PNLIP: variants seen among roughly 807,000 people sequenced by gnomAD.
PNLIP encodes the protein pancreatic triacylglycerol lipase.
Under a neutral mutation model 57.1 loss-of-function variants are expected in PNLIP, and 49 were observed. The ratio of observed to expected loss-of-function variants is 0.86; its 90% confidence interval spans 0.68 to 1.09. The LOEUF is 1.09. Among genes scored for constraint, PNLIP ranks in the 50% least tolerant of loss-of-function variants. PNLIP has a pLI of 0.00. For missense variants in PNLIP, 503 were observed against 570.2 expected, an observed-to-expected ratio of 0.88 and a Z score of 1.20; for synonymous variants, 209 against 200.4, an observed-to-expected ratio of 1.04 and a Z score of -0.36.
chr10:116,553,590 G>C (rs1847217836), intron 5 of PNLIP, 137 bp from the exon 6 acceptor site: 2 of 678,868 alleles, frequency 2.9e-6, no homozygotes, highest in African/African-American at 1.8e-5. Flanking sequence ...ATGCCATCTA[G>C]GTTTATGTAA....
chr10:116,554,921 C>T (rs955772882), intron 6 of PNLIP, among the ~76,000 whole-genome samples: 1 of 152,106 alleles, frequency 6.6e-6, no homozygotes, highest in African/African-American at 2.4e-5. Flanking sequence ...CCAGTGTGTC[C>T]CAGAGTCTAC....
rs536733176 is a variant in PNLIP at position 116,551,955 on chromosome 10, C to T, written c.459+723C>T. Reference sequence around the variant, plus strand: ...ATGCACCACACAAGGACGTGTAGGTCAATGATGGACTTCAGATATGATGGA... The same window carrying T: ...ATGCACCACACAAGGACGTGTAGGTTAATGATGGACTTCAGATATGATGGA... On this transcript the variant is annotated intron_variant, in intron 5 of 12. Coordinates refer to ENST00000369221, the MANE Select transcript of PNLIP (RefSeq NM_000936.4). 2.6e-5 allele frequency among the ~76,000 whole-genome samples: 4 copies of T among 152,244 alleles called. No individual in the cohort carries two copies. The East Asian group carries it at 7.7e-4, about 29-fold the overall frequency.
At chr10:116,556,236 C>G in intron 9 of PNLIP, 118 bp downstream of exon 9, 2 of 654,520 alleles carry the variant, frequency 3.1e-6, no homozygotes, top group Non-Finnish European at 5.5e-6. Flanking sequence ...CTTATACATG[C>G]CTTTAATTAT....
At chr10:116,565,182 G>A (rs1393701273) in intron 12 of PNLIP, among the ~76,000 whole-genome samples, 7 of 144,120 alleles carry the variant, frequency 4.9e-5, no homozygotes, top group Non-Finnish European at 7.5e-5. Flanking sequence ...CCCGGGAGGC[G>A]GAGCTTGCAG....
chr10:116,556,013 T>C lies in PNLIP; in HGVS notation c.825T>C (p.Phe275=), dbSNP rs780187128. 3.7e-6 allele frequency: 6 copies of C among 1,610,492 alleles called. No individual in the cohort carries two copies. In the East Asian group the frequency reaches 8.9e-5, roughly 24 times the overall value. Residue 275 remains phenylalanine (F), a synonymous_variant, in exon 9 of 13, where the codon TTT becomes TTC. Transcript: ENST00000369221. ...TCTGATTCAAAGGGACTCGAGACTTTGCGGCCTGTAATCACTTAAGAAGCT... is the reference window on the plus strand; with the variant it reads ...TCTGATTCAAAGGGACTCGAGACTTCGCGGCCTGTAATCACTTAAGAAGCT... ...IDGIWEGTRD[F]AACNHLRSYK...
intron 9 of PNLIP, among the ~76,000 whole-genome samples, chr10:116,557,585 A>G (rs951970067): frequency 2.0e-5 from 3 of 152,168 alleles, no homozygotes; most frequent in South Asian, 2.1e-4. Context: ...CAATGCCCTC[A>G]GAGAGCTTTG....
At chr10:116,565,249 CAAAAAAAA>C (rs71010093) in intron 12 of PNLIP, among the ~76,000 whole-genome samples, 7 of 33,400 alleles carry the variant, frequency 2.1e-4, no homozygotes, top group Non-Finnish European at 2.9e-4. Context: ...GACAATGTCT[CAAAAAAAA>C]AAAAAAAAAA....
Position 116,553,578 on chromosome 10 carries a change from C to T in PNLIP, c.460-149C>T. 4.6e-6 allele frequency: 3 copies of T among 656,256 alleles called. No individual in the cohort carries two copies. The Admixed American group carries it at 7.1e-5, about 16-fold the overall frequency. The allele number at this position is 656,256 out of a possible 1,614,324, so 40.7% of individuals were successfully genotyped here. On this transcript the variant is annotated intron_variant, in intron 5 of 12. Coordinates refer to ENST00000369221, the MANE Select transcript of PNLIP (RefSeq NM_000936.4). ...CCACACAGCCCAGGTAGGTAGTAGG[C>T]TATGCCATCTAGGTTTATGTAAATA...
chr10:116,556,953 T>G (rs1847260210), intron 9 of PNLIP, among the ~76,000 whole-genome samples: 1 of 152,212 alleles, frequency 6.6e-6, no homozygotes, highest in Admixed American at 6.5e-5. Flanking sequence ...AAGAAGTTTC[T>G]TCATGTATAA....
intron 4 of PNLIP, among the ~76,000 whole-genome samples, chr10:116,550,360 T>C (rs1847178126): frequency 6.6e-6 from 1 of 151,518 alleles, no homozygotes; most frequent in African/African-American, 2.4e-5. Flanking sequence ...CCTGGCCTAT[T>C]CTCAAATTCT....
chr10:116,548,210 G>T, intron 3 of PNLIP, 150 bp from the exon 4 acceptor site: 1 of 664,972 alleles, frequency 1.5e-6, no homozygotes, highest in Non-Finnish European at 2.5e-6. Context: ...ACATGATGAT[G>T]ATAGTGAATA....
intron 12 of PNLIP, among the ~76,000 whole-genome samples, chr10:116,562,298 G>A (rs1171305534): frequency 6.6e-6 from 1 of 152,182 alleles, no homozygotes; most frequent in Non-Finnish European, 1.5e-5. Flanking sequence ...CAAAGATGGA[G>A]TAACAGAGCC....
rs757895059 is a variant in PNLIP, at chr10:116,548,310, CT to C, written c.202-49del. Reference sequence around the variant, plus strand: ...TGCCCCTCTCCATGTACAAATGGTTCTATTGGCTACTATAGGAAACTGACAT... The same window carrying C: ...TGCCCCTCTCCATGTACAAATGGTTCATTGGCTACTATAGGAAACTGACAT... On this transcript the variant is annotated intron_variant, in intron 3 of 12. Transcript: ENST00000369221. 19 of 1,597,564 alleles carry C rather than the reference CT, an allele frequency of 1.2e-5. No individual in the cohort carries two copies. The Admixed American group carries it at 2.9e-4, about 24-fold the overall frequency.
chr10:116,567,121 CTCTTTCTT>C (rs10563857), intron 12 of PNLIP, among the ~76,000 whole-genome samples: 26 of 146,484 alleles, frequency 1.8e-4, no homozygotes, highest in East Asian at 1.4e-3. Context: ...TCCTTTCTTT[CTCTTTCTT>C]TCTTTCTTTC....
chr10:116,552,985 T>A (rs1311169680), intron 5 of PNLIP, among the ~76,000 whole-genome samples: 1 of 152,236 alleles, frequency 6.6e-6, no homozygotes, highest in African/African-American at 2.4e-5. Context: ...TCTTCAGCGG[T>A]GTGCAGTAAT....
At chr10:116,551,414 C>T (rs1589555264) in intron 5 of PNLIP, 182 bp downstream of exon 5, 1 of 406,822 alleles carries the variant, frequency 2.5e-6, no homozygotes, top group Non-Finnish European at 4.2e-6. Flanking sequence ...TCATCAATAA[C>T]CCATTATGTT....
chr10:116,553,484 C>T (rs1012237223), intron 5 of PNLIP, among the ~76,000 whole-genome samples: 3 of 152,178 alleles, frequency 2.0e-5, no homozygotes, highest in African/African-American at 4.8e-5. Context: ...ACGTTGTGTT[C>T]CAGTTGCCTA....
Position 116,555,215 on chromosome 10 carries a change from T to A in PNLIP, c.609T>A (p.Pro203=). Residue 203 remains proline (P), a synonymous_variant, in exon 7 of 13, where the codon CCT becomes CCA. Transcript: ENST00000369221. ...DPAEPCFQGT[P]ELVRLDPSDA... ...CAGAACCTTGCTTTCAGGGCACACC[T>A]GAATTAGTCCGATTGGACCCCAGCG... 1 of 1,614,204 alleles carries A rather than the reference T, an allele frequency of 6.2e-7. No homozygotes were observed. The highest frequency in any genetic ancestry group is 1.7e-5 in the Admixed American group (1 of 60,022).
chr10:116,560,517 AT>A lies in PNLIP; in HGVS notation c.1166del (p.Phe389SerfsTer35). Reference sequence around the variant, plus strand: ...TAAAGGAAACTCTAAGCAGTATGAAATTTTCAAGTGAGTAAAATAATATTGC... The same window carrying A: ...TAAAGGAAACTCTAAGCAGTATGAAATTTCAAGTGAGTAAAATAATATTGC... ...GNKGNSKQYE[I>X]FKGTLKPDST... On this transcript the variant is annotated frameshift_variant, in exon 11 of 13. Transcript: ENST00000369221. LOFTEE classifies it high-confidence loss of function. 1 of 1,427,118 alleles carries A rather than the reference AT, an allele frequency of 7.0e-7. No homozygotes were observed. The highest frequency in any genetic ancestry group is 9.7e-7 in the Non-Finnish European group (1 of 1,027,322). The allele number at this position is 1,427,118 out of a possible 1,614,324, so 88.4% of individuals were successfully genotyped here. A position where few individuals can be genotyped will look rare whatever the true frequency, so the allele number is the denominator to read the frequency against.
Sources: allele counts gnomAD v4.1 joint callset (sites outside exome capture counted in the v4.1 genomes callset), GRCh38; gene constraint gnomAD v4.1.1; transcripts MANE v1.5; gene names NCBI Gene and HGNC (gene_info 2026-07-23, HGNC 2026-07-21).